Variants in CACNB2 observed in about 807,000 individuals in gnomAD.
The protein encoded by CACNB2 is voltage-dependent L-type calcium channel subunit beta-2.
A neutral mutation model predicts 73.3 loss-of-function variants in CACNB2; 42 were observed. The observed-to-expected ratio is 0.57, with a 90% CI of 0.45 to 0.74. The LOEUF is 0.74. Among genes scored for constraint, CACNB2 ranks in the 30% least tolerant of loss-of-function variants. CACNB2 has a pLI of 0.00. For missense variants in CACNB2, 940 were observed against 853.0 expected (o/e 1.10, Z -1.27); for synonymous variants, 348 against 310.3 (o/e 1.12, Z -1.28).
intron 3 of CACNB2, among the ~76,000 whole-genome samples, chr10:18,433,538 T>C (rs1044362539): frequency 1.3e-5 from 2 of 152,178 alleles, no homozygotes; most frequent in East Asian, 1.9e-4. Flanking sequence ...TGGTTTATTA[T>C]AGAGTGTTAA....
At chr10:18,397,149 G>GTA (rs2043752076) in intron 2 of CACNB2, among the ~76,000 whole-genome samples, 1 of 152,278 alleles carries the variant, frequency 6.6e-6, no homozygotes, top group African/African-American at 2.4e-5. Context: ...AAACAGCAAA[G>GTA]TATATAAATT....
intron 2 of CACNB2, among the ~76,000 whole-genome samples, chr10:18,219,926 C>T (rs901556306): frequency 6.7e-6 from 1 of 150,344 alleles, no homozygotes; most frequent in Non-Finnish European, 1.5e-5. Flanking sequence ...GCCACCATGC[C>T]TGGCTAATTT....
intron 2 of CACNB2, among the ~76,000 whole-genome samples, chr10:18,258,665 G>A (rs904859561): frequency 6.6e-6 from 1 of 152,162 alleles, no homozygotes; most frequent in Non-Finnish European, 1.5e-5. Flanking sequence ...GGTGGAGGTT[G>A]CAGTGAGCTG....
chr10:18,303,522 A>T (rs1039320193), intron 2 of CACNB2, among the ~76,000 whole-genome samples: 2 of 152,040 alleles, frequency 1.3e-5, no homozygotes, highest in Admixed American at 6.6e-5. Flanking sequence ...AAGAAAATTA[A>T]AAAAAAGGGA....
chr10:18,206,323 G>A (rs762961276), intron 2 of CACNB2: 3 of 152,270 alleles, frequency 2.0e-5, no homozygotes, highest in African/African-American at 4.8e-5. Context: ...GAGACACATA[G>A]CTGTATCTCC....
At chr10:18,482,541 C>T (rs946411912) in intron 3 of CACNB2, among the ~76,000 whole-genome samples, 8 of 152,006 alleles carry the variant, frequency 5.3e-5, no homozygotes, top group African/African-American at 1.7e-4. Flanking sequence ...GATGCAGTCT[C>T]GCTCTGTCGC....
At chr10:18,372,172 T>C (rs1054580645) in intron 2 of CACNB2, among the ~76,000 whole-genome samples, 8 of 152,220 alleles carry the variant, frequency 5.3e-5, no homozygotes, top group Non-Finnish European at 1.0e-4. Flanking sequence ...ACTCTGATGG[T>C]AGTTTCTTTT....
chr10:18,156,671 A>C (rs545189188), intron 2 of CACNB2, among the ~76,000 whole-genome samples: 1 of 152,306 alleles, frequency 6.6e-6, no homozygotes, highest in Non-Finnish European at 1.5e-5. Flanking sequence ...TATACAGTAC[A>C]TCAAATATTT....
intron 1 of CACNB2, among the ~76,000 whole-genome samples, chr10:18,148,926 T>G (rs2131019754): frequency 6.8e-6 from 1 of 148,096 alleles, no homozygotes; most frequent in East Asian, 2.0e-4. Flanking sequence ...CCAGAGGGTG[T>G]GGGGTGTAGT....
At chr10:18,172,554 G>A (rs1463902222) in intron 2 of CACNB2, among the ~76,000 whole-genome samples, 1 of 152,130 alleles carries the variant, frequency 6.6e-6, no homozygotes, top group African/African-American at 2.4e-5. Context: ...GATGTTCAGA[G>A]TTGAAGGTGT....
chr10:18,391,485 A>T (rs2043465700), intron 2 of CACNB2, among the ~76,000 whole-genome samples: 2 of 152,186 alleles, frequency 1.3e-5, no homozygotes, highest in Admixed American at 6.5e-5. Flanking sequence ...TTTGTTGAGC[A>T]TGCATTCCAT....
At chr10:18,157,176 A>G (rs1241018797) in intron 2 of CACNB2, among the ~76,000 whole-genome samples, 2 of 152,130 alleles carry the variant, frequency 1.3e-5, no homozygotes, top group African/African-American at 4.8e-5. Context: ...TTATATACTG[A>G]ACGTATAATT....
At chr10:18,533,775 T>C (rs983702346) in intron 10 of CACNB2, among the ~76,000 whole-genome samples, 1 of 152,218 alleles carries the variant, frequency 6.6e-6, no homozygotes, top group Non-Finnish European at 1.5e-5. Context: ...TATGAAATGA[T>C]TTCATAGACT....
intron 2 of CACNB2, among the ~76,000 whole-genome samples, chr10:18,266,004 C>T (rs766310042): frequency 1.3e-5 from 2 of 152,152 alleles, no homozygotes; most frequent in South Asian, 2.1e-4. Flanking sequence ...AGTGTGTGAT[C>T]ACCTTTGAGC....
rs1232371602 is a variant in CACNB2, at chr10:18,410,842, T to C, written c.333+8799T>C. On this transcript the variant is annotated intron_variant, in intron 3 of 13. Coordinates refer to ENST00000324631, the MANE Select transcript of CACNB2 (RefSeq NM_201596.3). ...TAAAAATACAAAAATTAGCTAGGCA[T>C]GGTTGTGGGCACCTGTAATCCCAAC... is the stretch of plus-strand genomic sequence containing the variant. Among the ~76,000 whole-genome samples the C allele has an allele frequency of 2.6e-5, 4 of 152,188 alleles. No homozygotes were observed. In the East Asian group the frequency reaches 7.7e-4, roughly 29 times the overall value.
chr10:18,357,999 G>A (rs1462010899), intron 2 of CACNB2, among the ~76,000 whole-genome samples: 1 of 152,134 alleles, frequency 6.6e-6, no homozygotes. Flanking sequence ...CATCATTGTC[G>A]CAGTGCATGG....
At chr10:18,259,508 C>T (rs932370211) in intron 2 of CACNB2, among the ~76,000 whole-genome samples, 4 of 146,142 alleles carry the variant, frequency 2.7e-5, no homozygotes, top group Non-Finnish European at 4.5e-5. Context: ...AGTTCAAGAC[C>T]AGCCTGGCCA....
intron 2 of CACNB2, among the ~76,000 whole-genome samples, chr10:18,384,217 G>T (rs112612045): frequency 1.9e-4 from 29 of 152,230 alleles, no homozygotes; most frequent in Middle Eastern, 3.4e-3. Context: ...ATATCATCAC[G>T]ATCTGTGGTC....
At chr10:18,272,125 T>C (rs1056033399) in intron 2 of CACNB2, among the ~76,000 whole-genome samples, 6 of 152,168 alleles carry the variant, frequency 3.9e-5, no homozygotes, top group Admixed American at 3.3e-4. Flanking sequence ...AGTTTCATTA[T>C]TGGGTGAATC....
Sources: gnomAD v4.1 joint callset for allele counts (sites outside exome capture counted in the v4.1 genomes callset) on GRCh38, gnomAD v4.1.1 for gene constraint, MANE v1.5 for transcripts, NCBI Gene and HGNC (gene_info 2026-07-23, HGNC 2026-07-21) for gene names.